The following SEMA6D variants were observed in gnomAD, a reference collection of about 807,000 sequenced individuals.
SEMA6D encodes semaphorin-6D.
In SEMA6D, 35 loss-of-function variants were observed where a neutral mutation model predicts 106.6. The observed-to-expected ratio is 0.33, with a 90% CI of 0.25 to 0.44. SEMA6D has a LOEUF of 0.44. Ranked by LOEUF, SEMA6D falls within the 20% of genes least tolerant of loss-of-function variation. The pLI, the probability that SEMA6D is intolerant of heterozygous loss-of-function variation, is 1.00. For synonymous variants in SEMA6D, 499 were observed against 487.7 expected (o/e 1.02, Z -0.31); for missense variants, 1,185 against 1,345.9 (o/e 0.88, Z 1.87).
At position 47,407,416 on chromosome 15, in the gene SEMA6D, AAC is replaced by A. The variant is rs1189357618; in HGVS notation, c.-238-4975_-238-4974del. On this transcript the variant is annotated intron_variant, in intron 1 of 19. Coordinates refer to the SEMA6D transcript ENST00000558014. ...AAACAACAACAACAACAACAAAAAA[AAC>A]AAAAAAAACAAACAAAAATACTTAA... is the stretch of plus-strand genomic sequence containing the variant. Among the ~76,000 whole-genome samples, 52 of 150,370 alleles carry A rather than the reference AAC, an allele frequency of 3.5e-4. 2 individuals are homozygous for A. Among genetic ancestry groups the A allele is most frequent in the African/African-American group, 7.1e-4 (29 of 41,074 alleles).
intron 1 of SEMA6D, among the ~76,000 whole-genome samples, chr15:47,221,331 T>C (rs62013972): frequency 0.012 from 1,852 of 152,302 alleles, 43 homozygotes; most frequent in Admixed American, 0.012. Context: ...AGAAACAATA[T>C]TTCTTCTTCG....
intron 1 of SEMA6D, among the ~76,000 whole-genome samples, chr15:47,242,857 A>G (rs1467463182): frequency 2.0e-5 from 3 of 152,284 alleles, no homozygotes; most frequent in Middle Eastern, 3.4e-3. Context: ...TGAATGTACT[A>G]TGCATAGTAT....
At chr15:47,278,059 G>T (rs1321760304) in intron 1 of SEMA6D, among the ~76,000 whole-genome samples, 1 of 151,708 alleles carries the variant, frequency 6.6e-6, no homozygotes, top group Non-Finnish European at 1.5e-5. Context: ...TGTGAATAAT[G>T]CCACAATAAA....
intron 1 of SEMA6D, among the ~76,000 whole-genome samples, chr15:47,220,264 C>T (rs17356726): frequency 1.3e-5 from 2 of 152,170 alleles, no homozygotes; most frequent in African/African-American, 4.8e-5. Flanking sequence ...CCGAAACTTC[C>T]TCTTTATTGC....
intron 1 of SEMA6D, among the ~76,000 whole-genome samples, chr15:47,248,411 A>G (rs539683037): frequency 4.6e-5 from 7 of 152,326 alleles, no homozygotes; most frequent in African/African-American, 1.7e-4. Context: ...CCCAGCATTC[A>G]TGGTCATTCC....
intron 4 of SEMA6D, among the ~76,000 whole-genome samples, chr15:47,637,407 A>G (rs942490478): frequency 1.3e-5 from 2 of 152,148 alleles, no homozygotes; most frequent in African/African-American, 2.4e-5. Flanking sequence ...TAATCTGACT[A>G]TGTCCTTAGA....
At chr15:47,337,554 T>C (rs144926499) in intron 1 of SEMA6D, among the ~76,000 whole-genome samples, 1,687 of 152,284 alleles carry the variant, frequency 0.011, 13 homozygotes, top group Non-Finnish European at 0.014. Context: ...GGATGGCCGA[T>C]CATCATTTCT....
intron 3 of SEMA6D, among the ~76,000 whole-genome samples, chr15:47,578,035 C>A (rs543319139): frequency 6.6e-6 from 1 of 152,274 alleles, no homozygotes; most frequent in South Asian, 2.1e-4. Flanking sequence ...GGATGCATGA[C>A]ATTATTTTTT....
chr15:47,679,270 A>G (rs140899503), intron 4 of SEMA6D, among the ~76,000 whole-genome samples: 1 of 152,308 alleles, frequency 6.6e-6, no homozygotes, highest in East Asian at 1.9e-4. Flanking sequence ...GAGCTGTTTG[A>G]CTGTGAGGGA....
At chr15:47,553,461 C>T (rs957420859) in intron 3 of SEMA6D, among the ~76,000 whole-genome samples, 1 of 152,160 alleles carries the variant, frequency 6.6e-6, no homozygotes, top group Non-Finnish European at 1.5e-5. Flanking sequence ...GCCTATCACC[C>T]TTTTCCTTTT....
intron 11 of SEMA6D, 41 bp from the exon 12 acceptor site, chr15:47,764,596 AG>A: frequency 6.2e-7 from 1 of 1,607,872 alleles, no homozygotes; most frequent in South Asian, 1.1e-5. Context: ...ATGGTGTGGC[AG>A]GGGCAGCCGA....
intron 1 of SEMA6D, among the ~76,000 whole-genome samples, chr15:47,249,117 A>T (rs767752569): frequency 9.9e-5 from 15 of 152,074 alleles, no homozygotes; most frequent in Non-Finnish European, 8.8e-5. Context: ...AATCCCAGCT[A>T]CTCGGGTGGC....
At chr15:47,471,789 G>T (rs1172631909) in intron 3 of SEMA6D, among the ~76,000 whole-genome samples, 1 of 152,136 alleles carries the variant, frequency 6.6e-6, no homozygotes, top group Non-Finnish European at 1.5e-5. Flanking sequence ...GCATGTCTAT[G>T]AAAGAAAATG....
intron 3 of SEMA6D, among the ~76,000 whole-genome samples, chr15:47,560,883 G>C (rs540095649): frequency 1.8e-4 from 27 of 152,126 alleles, no homozygotes; most frequent in African/African-American, 6.5e-4. Flanking sequence ...CGGTCTAACA[G>C]AAGCCAGGGA....
At chr15:47,200,972 G>T (rs922836795) in intron 1 of SEMA6D, among the ~76,000 whole-genome samples, 9 of 152,186 alleles carry the variant, frequency 5.9e-5, no homozygotes, top group African/African-American at 2.2e-4. Flanking sequence ...AAGAGAGAGG[G>T]AGAAGCCAGG....
chr15:47,564,257 C>T (rs1446636099), intron 3 of SEMA6D, among the ~76,000 whole-genome samples: 1 of 152,134 alleles, frequency 6.6e-6, no homozygotes, highest in Non-Finnish European at 1.5e-5. Context: ...AGAAGAAATC[C>T]CCTCCCTGGA....
At chr15:47,461,331 C>T (rs1290566098) in intron 2 of SEMA6D, among the ~76,000 whole-genome samples, 1 of 152,014 alleles carries the variant, frequency 6.6e-6, no homozygotes, top group South Asian at 2.1e-4. Context: ...TGTCTCCCCA[C>T]AGCCACTGCC....
chr15:47,534,250 G>A (rs966900695), intron 3 of SEMA6D, among the ~76,000 whole-genome samples: 9 of 152,084 alleles, frequency 5.9e-5, no homozygotes, highest in African/African-American at 2.2e-4. Flanking sequence ...GAGTACAGTG[G>A]CTCGATCTCG....
intron 1 of SEMA6D, among the ~76,000 whole-genome samples, chr15:47,269,574 T>G (rs143343676): frequency 6.6e-6 from 1 of 152,248 alleles, no homozygotes; most frequent in African/African-American, 2.4e-5. Context: ...TTTAATTATA[T>G]CTGTTTGATA....
Sources: gnomAD v4.1 joint callset for allele counts (sites outside exome capture counted in the v4.1 genomes callset) on GRCh38, gnomAD v4.1.1 for gene constraint, MANE v1.5 for transcripts, NCBI Gene and HGNC (gene_info 2026-07-23, HGNC 2026-07-21) for gene names.